The following PFKL variants were observed in gnomAD, a reference collection of about 807,000 sequenced individuals.
PFKL encodes ATP-dependent 6-phosphofructokinase, liver type.
In PFKL, 74 loss-of-function variants were observed where a neutral mutation model predicts 92.1. The ratio of observed to expected loss-of-function variants is 0.80; its 90% confidence interval spans 0.67 to 0.97. PFKL has a LOEUF of 0.97. Among genes scored for constraint, PFKL ranks in the 50% least tolerant of loss-of-function variants. PFKL has a pLI of 0.00. For missense variants in PFKL, 1,028 were observed against 1,116.6 expected (o/e 0.92, Z 1.13); for synonymous variants, 494 against 456.4 (o/e 1.08, Z -1.05).
Position 44,313,979 on chromosome 21 carries a change from C to T in PFKL, c.705C>T (p.Pro235=), listed in dbSNP as rs759743950. ...ADWLFIPEAP[P]EDGWENFMCE... ...GGCTGTTCATCCCCGAGGCTCCACC[C>T]GAGGACGGCTGGGAGAACTTCATGT... The change falls in exon 7 of 22, where the codon CCC becomes CCT. Residue 235 remains proline, a synonymous_variant. Transcript: ENST00000349048. 8.1e-6 allele frequency: 13 copies of T among 1,608,350 alleles called. No homozygotes were observed. Among genetic ancestry groups the T allele is most frequent in the South Asian group, 2.2e-5 (2 of 90,008 alleles).
Position 44,327,168 on chromosome 21 carries a change from G to A in PFKL, c.*306G>A. The A allele has an allele frequency of 2.3e-6, 1 of 443,420 alleles. No individual in the cohort carries two copies. The highest frequency in any genetic ancestry group is 4.1e-5 in the East Asian group (1 of 24,176). 27.5% of individuals were successfully genotyped at this position (443,420 alleles called of 1,614,324 possible). Reference sequence around the variant, plus strand: ...GCCCCCTGGCTTTGGCGCCCCATGGGCCCTCAGCGTCTCCCCATGCTGGGC... The same window carrying A: ...GCCCCCTGGCTTTGGCGCCCCATGGACCCTCAGCGTCTCCCCATGCTGGGC... On this transcript the variant is annotated 3_prime_UTR_variant, in exon 22 of 22. Coordinates refer to ENST00000349048, the MANE Select transcript of PFKL (RefSeq NM_002626.6).
intron 7 of PFKL, chr21:44,314,291 GGGAGCTTGGTGA>G: frequency 2.1e-6 from 1 of 477,272 alleles, no homozygotes; most frequent in South Asian, 2.7e-5. Context: ...GGTCAGTGTG[GGGAGCTTGGTGA>G]GGCTGCTTAC....
intron 12 of PFKL, 64 bp downstream of exon 12, chr21:44,320,211 G>A (rs1335130389): frequency 2.7e-6 from 4 of 1,456,290 alleles, no homozygotes; most frequent in South Asian, 2.3e-5. Flanking sequence ...GCCTCTTCAC[G>A]CTGGCCCCGT....
intron 1 of PFKL, chr21:44,305,057 G>A: frequency 2.9e-6 from 1 of 350,574 alleles, no homozygotes; most frequent in Non-Finnish European, 5.5e-6. Context: ...TGGATCCCCT[G>A]GCTGCTGGGT....
intron 2 of PFKL, among the ~76,000 whole-genome samples, chr21:44,307,892 C>T (rs568015167): frequency 2.6e-5 from 4 of 152,298 alleles, no homozygotes; most frequent in Admixed American, 6.5e-5. Context: ...TAGGGTTTTC[C>T]GGAACCCCCA....
chr21:44,304,924 G>C (rs2040888846), intron 1 of PFKL, among the ~76,000 whole-genome samples: 1 of 152,180 alleles, frequency 6.6e-6, no homozygotes, highest in African/African-American at 2.4e-5. Context: ...GGCGTTGCTT[G>C]CTCAAGTGGA....
At chr21:44,322,500 C>T (rs2047382891) in intron 14 of PFKL, among the ~76,000 whole-genome samples, 3 of 152,222 alleles carry the variant, frequency 2.0e-5, no homozygotes, top group African/African-American at 4.8e-5. Flanking sequence ...ACTGTCAGCA[C>T]TCTGGCTGAG....
chr21:44,318,202 G>A (rs1195165575), intron 9 of PFKL, among the ~76,000 whole-genome samples: 2 of 152,222 alleles, frequency 1.3e-5, no homozygotes, highest in African/African-American at 4.8e-5. Flanking sequence ...AGCGAGCGAC[G>A]GTGGGTGGGT....
rs1207135594 is a variant in PFKL at position 44,325,951 on chromosome 21, C to T, written c.1990-10C>T. ...GGGAGTCCAGGGAACCGGGCCTCAC[C>T]TGTTTCCAGGGTGGCGCTCCAACCC... On this transcript the variant is annotated splice_polypyrimidine_tract_variant and intron_variant, in intron 19 of 21. Transcript: ENST00000349048. 1 of 1,609,744 alleles carries T rather than the reference C, an allele frequency of 6.2e-7. No individual in the cohort carries two copies. The highest frequency in any genetic ancestry group is 1.7e-5 in the Admixed American group (1 of 59,766).
chr21:44,323,025 C>T lies in PFKL; in HGVS notation c.1473C>T (p.Ala491=), dbSNP rs2047398970. 1.2e-6 allele frequency: 2 copies of T among 1,613,018 alleles called. No homozygotes were observed. Among genetic ancestry groups the T allele is most frequent in the South Asian group, 1.1e-5 (1 of 91,066 alleles). ...VENIRIYGIH[A]LLVVGGFEAY... is the part of the protein sequence containing the mutation. ...ACATCCGCATCTATGGTATTCACGC[C>T]CTGCTGGTGGTCGGTGGGTTTGAGG... Residue 491 remains alanine (A), a synonymous_variant, in exon 15 of 22, where the codon GCC becomes GCT. Transcript: ENST00000349048.
In PFKL at chr21:44,312,889, C is replaced by T. The variant is rs369783888; in HGVS notation, c.428-89C>T. 3.8e-4 allele frequency: 537 copies of T among 1,408,874 alleles called. No homozygotes were observed. In the Middle Eastern group the frequency reaches 4.0e-3, roughly 10 times the overall value. 87.3% of individuals were successfully genotyped at this position (1,408,874 alleles called of 1,614,324 possible). On this transcript the variant is annotated intron_variant, in intron 4 of 21. Transcript: ENST00000349048. ...CCTGCCGGGCTGCACGCCTGGGATG[C>T]GGGGGAAGGGGTGGCAGGAGAGGGG...
chr21:44,308,688 A>T (rs2041026573), intron 2 of PFKL, among the ~76,000 whole-genome samples: 1 of 150,910 alleles, frequency 6.6e-6, no homozygotes, highest in Non-Finnish European at 1.5e-5. Context: ...CAGCCTCCTG[A>T]GTAGCTGGGA....
intron 7 of PFKL, chr21:44,314,948 G>A (rs8127589): frequency 0.28 from 43,346 of 152,210 alleles, 6,574 homozygotes; most frequent in African/African-American, 0.4. Context: ...CCCTGTCCCC[G>A]TGTGAAGGTG....
At chr21:44,316,171 C>G (rs2047198631) in intron 7 of PFKL, 73 bp from the exon 8 acceptor site, 1 of 1,428,540 alleles carries the variant, frequency 7.0e-7, no homozygotes, top group African/African-American at 1.4e-5. Context: ...GGGAGGGCTC[C>G]TGGCACCCGG....
In PFKL at chr21:44,300,143, G is replaced by A; in HGVS notation, c.38G>A (p.Gly13Asp). 2 of 1,196,526 alleles carry A rather than the reference G, an allele frequency of 1.7e-6. No homozygotes were observed. The highest frequency in any genetic ancestry group is 3.3e-5 in the African/African-American group (2 of 61,418). The allele number at this position is 1,196,526 out of a possible 1,614,324, so 74.1% of individuals were successfully genotyped here. The part of the protein sequence containing the change: ...AVDLEKLRAS[G>D]AGKAIGVLTS... ...GACCTGGAGAAGCTGCGGGCGTCGG[G>A]CGCGGGCAAGGCCATCGGCGTCCTG... The change falls in exon 1 of 22, where the codon GGC (glycine) becomes GAC (aspartate). Residue 13 changes from glycine to aspartate, a missense_variant. Physicochemically the swap from Gly to Asp is moderately conservative, Grantham distance 94. Transcript: ENST00000349048.
At chr21:44,326,660 A>G in intron 21 of PFKL, 55 bp from the exon 22 acceptor site, 1 of 1,575,886 alleles carries the variant, frequency 6.3e-7, no homozygotes, top group Non-Finnish European at 8.6e-7. Flanking sequence ...GACGTGGCTG[A>G]AGAGCTGCCC....
chr21:44,301,668 T>C (rs1368386395), intron 1 of PFKL, among the ~76,000 whole-genome samples: 14 of 151,856 alleles, frequency 9.2e-5, no homozygotes, highest in Admixed American at 9.2e-4. Flanking sequence ...AGGCCCCGAG[T>C]CTGGAGGGCA....
At chr21:44,306,888 G>C in intron 2 of PFKL, 134 bp downstream of exon 2, 1 of 781,412 alleles carries the variant, frequency 1.3e-6, no homozygotes. Context: ...ATGTGGTCTT[G>C]GGGAGTGTGA....
Position 44,302,575 on chromosome 21 carries a change from G to T in PFKL, c.85+2385G>T, listed in dbSNP as rs2040808776. Among the ~76,000 whole-genome samples, 5 of 152,324 alleles carry T rather than the reference G, an allele frequency of 3.3e-5. No individual in the cohort carries two copies. In the South Asian group the frequency reaches 1.0e-3, roughly 32 times the overall value. Reference sequence around the variant, plus strand: ...TGACCCTGGCCGAGGGGAAGCCTGTGGCATAGTGTGCCCTTCTCTTTGCCC... The same window carrying T: ...TGACCCTGGCCGAGGGGAAGCCTGTTGCATAGTGTGCCCTTCTCTTTGCCC... On this transcript the variant is annotated intron_variant, in intron 1 of 21. Coordinates refer to ENST00000349048, the MANE Select transcript of PFKL (RefSeq NM_002626.6).
Sources: allele counts gnomAD v4.1 joint callset (sites outside exome capture counted in the v4.1 genomes callset), GRCh38; gene constraint gnomAD v4.1.1; transcripts MANE v1.5; gene names NCBI Gene and HGNC (gene_info 2026-07-23, HGNC 2026-07-21).